Variants in HACE1 observed in about 807,000 individuals in gnomAD.
HACE1 encodes HECT domain and ankyrin repeat containing E3 ubiquitin protein ligase 1.
Under a neutral mutation model 118.4 loss-of-function variants are expected in HACE1, and 73 were observed. The observed-to-expected ratio is 0.62, with a 90% CI of 0.51 to 0.75. The LOEUF (loss-of-function observed/expected upper bound fraction) is 0.75. HACE1 is among the 30% of genes least tolerant of loss of function. HACE1 has a pLI of 0.00. For synonymous variants in HACE1, 368 were observed against 374.8 expected, an observed-to-expected ratio of 0.98 and a Z score of 0.21; for missense variants, 749 against 1,102.2, an observed-to-expected ratio of 0.68 and a Z score of 4.54.
At chr6:104,762,477 C>A (rs1022953158) in intron 19 of HACE1, among the ~76,000 whole-genome samples, 2 of 152,126 alleles carry the variant, frequency 1.3e-5, no homozygotes, top group African/African-American at 4.8e-5. Flanking sequence ...CATGTTCTCA[C>A]TCACAAGTGA....
chr6:104,744,399 G>T, intron 21 of HACE1, 113 bp downstream of exon 21: 1 of 814,380 alleles, frequency 1.2e-6, no homozygotes, highest in Non-Finnish European at 2.2e-6. Flanking sequence ...AGAATAATTT[G>T]GGTAAACACT....
intron 17 of HACE1, among the ~76,000 whole-genome samples, chr6:104,773,061 T>C (rs554613053): frequency 6.6e-6 from 1 of 152,274 alleles, no homozygotes; most frequent in South Asian, 2.1e-4. Context: ...AAAATACTAC[T>C]AGTTAAAAGT....
At chr6:104,837,829 C>T (rs1470085105) in intron 5 of HACE1, among the ~76,000 whole-genome samples, 1 of 152,066 alleles carries the variant, frequency 6.6e-6, no homozygotes, top group Admixed American at 6.6e-5. Context: ...AACTTAGACT[C>T]CACCAAAAAA....
chr6:104,801,112 T>A (rs1209797474), intron 7 of HACE1, among the ~76,000 whole-genome samples: 1 of 152,144 alleles, frequency 6.6e-6, no homozygotes, highest in Admixed American at 6.5e-5. Flanking sequence ...GAAGAAAGGA[T>A]ATCAGTGATT....
intron 11 of HACE1, among the ~76,000 whole-genome samples, chr6:104,790,247 G>T (rs1782884170): frequency 6.6e-6 from 1 of 151,976 alleles, no homozygotes. Context: ...ATCTACTAGT[G>T]TCAAAGTTCT....
intron 19 of HACE1, among the ~76,000 whole-genome samples, chr6:104,750,834 T>G (rs975969765): frequency 6.6e-6 from 1 of 152,212 alleles, no homozygotes; most frequent in Non-Finnish European, 1.5e-5. Context: ...TTTTTGCCCC[T>G]GTACTGATGC....
At chr6:104,771,658 C>G (rs936998418) in intron 18 of HACE1, among the ~76,000 whole-genome samples, 2 of 145,698 alleles carry the variant, frequency 1.4e-5, no homozygotes, top group African/African-American at 5.1e-5. Context: ...CTTAAGTATA[C>G]TCACACTGAA....
intron 6 of HACE1, among the ~76,000 whole-genome samples, chr6:104,832,167 A>C (rs968439488): frequency 6.6e-6 from 1 of 152,172 alleles, no homozygotes; most frequent in Non-Finnish European, 1.5e-5. Context: ...AATCTCCAAA[A>C]TTGAGGCTTA....
chr6:104,807,072 G>A (rs1051834843), intron 7 of HACE1, among the ~76,000 whole-genome samples: 1 of 147,374 alleles, frequency 6.8e-6, no homozygotes, highest in Non-Finnish European at 1.5e-5. Context: ...TGCCCAGGCT[G>A]GAGTGCAGTG....
chr6:104,812,872 CT>C (rs749842747), intron 6 of HACE1, among the ~76,000 whole-genome samples: 45 of 152,278 alleles, frequency 3.0e-4, no homozygotes, highest in Middle Eastern at 3.4e-3. Context: ...GACTCTCCCC[CT>C]AGGACCTTTC....
chr6:104,790,910 G>A (rs1469864213), intron 11 of HACE1, among the ~76,000 whole-genome samples: 1 of 125,714 alleles, frequency 8.0e-6, no homozygotes, highest in African/African-American at 3.2e-5. Flanking sequence ...AATTTAACAT[G>A]AGTAGCAAAA....
chr6:104,766,094 A>G (rs1779976358), intron 19 of HACE1, among the ~76,000 whole-genome samples: 1 of 152,170 alleles, frequency 6.6e-6, no homozygotes, highest in African/African-American at 2.4e-5. Flanking sequence ...GCAGAAAATA[A>G]GCAAAAGAAA....
rs532267659 is a variant in HACE1, at chr6:104,769,448, A to T, written c.2211+1745T>A. Among the ~76,000 whole-genome samples the T allele has an allele frequency of 9.8e-5, 15 of 152,302 alleles. No individual in the cohort carries two copies. In the South Asian group the frequency reaches 3.1e-3, roughly 32 times the overall value. On this transcript the variant is annotated intron_variant, in intron 19 of 23. Transcript: ENST00000262903. Reference sequence around the variant, plus strand: ...ATCATTGCTTAATAAAGATTCTATGACTTCATTACCCTTAATTGAGGGTAG... The same window carrying T: ...ATCATTGCTTAATAAAGATTCTATGTCTTCATTACCCTTAATTGAGGGTAG...
At chr6:104,827,427 G>A (rs552613236) in intron 6 of HACE1, among the ~76,000 whole-genome samples, 1 of 152,120 alleles carries the variant, frequency 6.6e-6, no homozygotes, top group South Asian at 2.1e-4. Context: ...GTTTACACAT[G>A]TCTTCTCTAA....
Position 104,849,144 on chromosome 6 carries a change from A to C in HACE1, c.324T>G (p.Asn108Lys). 1 of 1,559,028 alleles carries C rather than the reference A, an allele frequency of 6.4e-7. No individual in the cohort carries two copies. The change falls in exon 4 of 24, where the codon AAT becomes AAG. Residue 108 changes from asparagine (N) to lysine (K), a missense_variant and splice_region_variant. Asn to Lys is a moderately conservative substitution (Grantham distance 94, BLOSUM62 0). Transcript: ENST00000262903. ...GCTPLHLAAR[N>K]GQKKCMSKLL... Reference sequence around the variant, plus strand: ...ACTTAAGAAAACTAAATAGTTACCCATTTCTTGCTGCCAAATGAAGGGGTG... The same window carrying C: ...ACTTAAGAAAACTAAATAGTTACCCCTTTCTTGCTGCCAAATGAAGGGGTG...
At chr6:104,743,685 A>G (rs998142737) in intron 22 of HACE1, among the ~76,000 whole-genome samples, 5 of 152,082 alleles carry the variant, frequency 3.3e-5, no homozygotes, top group Admixed American at 2.0e-4. Context: ...GTGTAGTACC[A>G]CAAATTATTT....
Position 104,744,510 on chromosome 6 carries a change from A to T in HACE1, c.2442+2T>A. The stretch of plus-strand genomic sequence containing the variant: ...TCATTCTAAGCTCTAGAGAAATTTT[A>T]CCTGAATAACTGGATCTTCTCTTTC... On this transcript the variant is annotated splice_donor_variant, in intron 21 of 23. Transcript: ENST00000262903. LOFTEE classifies it high-confidence loss of function. 6.7e-7 allele frequency: 1 copy of T among 1,489,362 alleles called. No homozygotes were observed. The highest frequency in any genetic ancestry group is 9.4e-7 in the Non-Finnish European group (1 of 1,066,280). The allele number at this position is 1,489,362 out of a possible 1,614,324, so 92.3% of individuals were successfully genotyped here.
rs1287985158 is a variant in HACE1, at chr6:104,729,425, A to G, written c.*237T>C. On this transcript the variant is annotated 3_prime_UTR_variant, in exon 24 of 24. Coordinates refer to ENST00000262903, the MANE Select transcript of HACE1 (RefSeq NM_020771.4). ...AAAAAGGACAGTCTCTATTACTTTCAGTTAGCATTTTAAAAAATAAAATCT... is the reference window on the plus strand; with the variant it reads ...AAAAAGGACAGTCTCTATTACTTTCGGTTAGCATTTTAAAAAATAAAATCT... 1.9e-6 allele frequency: 1 copy of G among 523,410 alleles called. No individual in the cohort carries two copies. The highest frequency in any genetic ancestry group is 1.9e-5 in the African/African-American group (1 of 52,180). 32.4% of individuals were successfully genotyped at this position (523,410 alleles called of 1,614,324 possible).
In HACE1 at chr6:104,744,169, ACAAACT is replaced by A; in HGVS notation, c.2498_2503del (p.Gln833_Val835delinsLeu). On this transcript the variant is annotated inframe_deletion, in exon 22 of 24. Transcript: ENST00000262903. Reference sequence around the variant, plus strand: ...TAAAAATACTGCTTACCTGCCCGTAACAAACTGTAAGAGAAGAACTCTCTCCTCTTG... The same window carrying A: ...TAAAAATACTGCTTACCTGCCCGTAAGTAAGAGAAGAACTCTCTCCTCTTG... 8 of 1,586,194 alleles carry A rather than the reference ACAAACT, an allele frequency of 5.0e-6. No individual in the cohort carries two copies. Among genetic ancestry groups the A allele is most frequent in the Non-Finnish European group, 6.9e-6 (8 of 1,154,684 alleles).
Sources: gnomAD v4.1 joint callset for allele counts (sites outside exome capture counted in the v4.1 genomes callset) on GRCh38, gnomAD v4.1.1 for gene constraint, MANE v1.5 for transcripts, NCBI Gene and HGNC (gene_info 2026-07-23, HGNC 2026-07-21) for gene names.